CPA6: variants seen among roughly 807,000 people sequenced by gnomAD.
CPA6 encodes carboxypeptidase A6.
In CPA6, 58 loss-of-function variants were observed where a neutral mutation model predicts 63.3. The observed-to-expected ratio is 0.92, with a 90% confidence interval of 0.74 to 1.14. The LOEUF (loss-of-function observed/expected upper bound fraction) is 1.14, where lower values mean the gene tolerates loss of function less well. Ranked by LOEUF, CPA6 falls within the 50% of genes most tolerant of loss-of-function variation. The pLI is 0.00. For synonymous variants in CPA6, 185 were observed against 179.0 expected, an observed-to-expected ratio of 1.03 and a Z score of -0.27; for missense variants, 565 against 526.6, an observed-to-expected ratio of 1.07 and a Z score of -0.71.
chr8:67,652,882 T>G (rs1279355241), intron 1 of CPA6, among the ~76,000 whole-genome samples: 3 of 149,202 alleles, frequency 2.0e-5, no homozygotes, highest in Admixed American at 6.7e-5. Flanking sequence ...GGTCTAACAT[T>G]TAAGTCTTTA....
chr8:67,649,518 T>A (rs1815789507), intron 1 of CPA6, among the ~76,000 whole-genome samples: 1 of 152,322 alleles, frequency 6.6e-6, no homozygotes, highest in South Asian at 2.1e-4. Flanking sequence ...TTTTAACAAT[T>A]GGCTAAATTT....
At chr8:67,502,437 A>G (rs1392888524) in intron 6 of CPA6, among the ~76,000 whole-genome samples, 1 of 152,180 alleles carries the variant, frequency 6.6e-6, no homozygotes. Context: ...CACTCCAGTC[A>G]GCTTATTGTT....
chr8:67,436,149 A>G (rs188361122), intron 8 of CPA6, among the ~76,000 whole-genome samples: 19 of 152,248 alleles, frequency 1.2e-4, no homozygotes, highest in Admixed American at 3.9e-4. Context: ...TCCCCAGTGT[A>G]GAGTGGGCAA....
intron 8 of CPA6, among the ~76,000 whole-genome samples, chr8:67,447,506 TACACAC>T (rs56840320): frequency 0.072 from 10,214 of 142,552 alleles, 458 homozygotes; most frequent in African/African-American, 0.14. Context: ...TATGTGTGTA[TACACAC>T]ACACACACAC....
chr8:67,668,612 G>A, intron 1 of CPA6, among the ~76,000 whole-genome samples: 1 of 152,134 alleles, frequency 6.6e-6, no homozygotes. Context: ...TAGGAACAAA[G>A]GATACCTGTT....
chr8:67,671,397 C>G (rs1001297306), intron 1 of CPA6, among the ~76,000 whole-genome samples: 19 of 152,234 alleles, frequency 1.2e-4, no homozygotes, highest in African/African-American at 4.6e-4. Flanking sequence ...GGCTCTTCAC[C>G]AAGCTCCTGT....
intron 1 of CPA6, among the ~76,000 whole-genome samples, chr8:67,706,660 A>G (rs539538321): frequency 2.6e-5 from 4 of 152,352 alleles, no homozygotes; most frequent in African/African-American, 7.2e-5. Context: ...AAGTATACCT[A>G]GTATTTACAG....
At chr8:67,611,955 T>C (rs1814817677) in intron 2 of CPA6, among the ~76,000 whole-genome samples, 1 of 152,226 alleles carries the variant, frequency 6.6e-6, no homozygotes, top group Non-Finnish European at 1.5e-5. Flanking sequence ...CAAAGAGTAG[T>C]AGTTCTCTGC....
At chr8:67,690,453 C>T (rs79339058) in intron 1 of CPA6, among the ~76,000 whole-genome samples, 2,084 of 152,290 alleles carry the variant, frequency 0.014, 37 homozygotes, top group African/African-American at 0.046. Context: ...TAGCAATCTA[C>T]TTGAGATGTG....
chr8:67,570,244 TA>T (rs1813453522), intron 2 of CPA6, among the ~76,000 whole-genome samples: 1 of 152,110 alleles, frequency 6.6e-6, no homozygotes, highest in Non-Finnish European at 1.5e-5. Flanking sequence ...GAGGAAGAAA[TA>T]AAACTTCCCC....
At chr8:67,744,799 C>T (rs1195667267) in intron 1 of CPA6, among the ~76,000 whole-genome samples, 1 of 152,114 alleles carries the variant, frequency 6.6e-6, no homozygotes, top group Non-Finnish European at 1.5e-5. Flanking sequence ...ATGTTAACTC[C>T]TTTCCGTTCC....
chr8:67,496,544 TA>T (rs1563976161), intron 6 of CPA6, among the ~76,000 whole-genome samples: 2,749 of 140,016 alleles, frequency 0.02, 156 homozygotes, highest in African/African-American at 0.069. Context: ...TATATATATA[TA>T]TATATATATA....
At chr8:67,545,700 G>A (rs928025129) in intron 2 of CPA6, among the ~76,000 whole-genome samples, 4 of 151,400 alleles carry the variant, frequency 2.6e-5, no homozygotes, top group African/African-American at 9.7e-5. Context: ...GTAGCTGGGA[G>A]AACAGGCATG....
At chr8:67,694,134 C>A in intron 1 of CPA6, among the ~76,000 whole-genome samples, 1 of 152,098 alleles carries the variant, frequency 6.6e-6, no homozygotes, top group Non-Finnish European at 1.5e-5. Context: ...TGAGTGGGGC[C>A]CAGAACAAGA....
intron 5 of CPA6, among the ~76,000 whole-genome samples, chr8:67,507,747 AT>A (rs1811959869): frequency 6.6e-6 from 1 of 152,182 alleles, no homozygotes; most frequent in South Asian, 2.1e-4. Flanking sequence ...TAAGAGTGTT[AT>A]GTTGAATTTT....
At chr8:67,742,426 G>C (rs1817930619) in intron 1 of CPA6, among the ~76,000 whole-genome samples, 1 of 152,148 alleles carries the variant, frequency 6.6e-6, no homozygotes, top group Admixed American at 6.5e-5. Context: ...GGTGGAGTCA[G>C]GCAGAGCTGG....
At chr8:67,673,390 T>TTA (rs1554532416) in intron 1 of CPA6, among the ~76,000 whole-genome samples, 18 of 99,630 alleles carry the variant, frequency 1.8e-4, no homozygotes, top group African/African-American at 1.1e-3. Flanking sequence ...ATTTATTTAT[T>TTA]TTTTTTTTTT....
rs568079696 is a variant in CPA6, at chr8:67,625,305, T to C, written c.117-1054A>G. Among the ~76,000 whole-genome samples, 5 of 152,332 alleles carry C rather than the reference T, an allele frequency of 3.3e-5. No homozygotes were observed. The South Asian group carries it at 1.0e-3, about 32-fold the overall frequency. ...AAAAAATCTCTATAGGACTACTGGG[T>C]CAGTTTCACAACCACAAAGGTTTTA... On this transcript the variant is annotated intron_variant, in intron 1 of 10. Transcript: ENST00000297770.
chr8:67,633,348 G>A (rs555498689), intron 1 of CPA6, among the ~76,000 whole-genome samples: 7 of 152,002 alleles, frequency 4.6e-5, no homozygotes, highest in East Asian at 1.9e-4. Flanking sequence ...TTTGTTTGTT[G>A]TAGGTTCTTA....
Sources: allele counts gnomAD v4.1 joint callset (sites outside exome capture counted in the v4.1 genomes callset), GRCh38; gene constraint gnomAD v4.1.1; transcripts MANE v1.5; gene names NCBI Gene and HGNC (gene_info 2026-07-23, HGNC 2026-07-21).